PCDHGA6: variants seen among roughly 807,000 people sequenced by gnomAD.
PCDHGA6 encodes the protein protocadherin gamma-A6.
Under a neutral mutation model 60.6 loss-of-function variants are expected in PCDHGA6, and 41 were observed. That is an observed-to-expected ratio of 0.68 (90% CI 0.53 to 0.88). The LOEUF (loss-of-function observed/expected upper bound fraction) is 0.88, where lower values mean the gene tolerates loss of function less well. Ranked by LOEUF, PCDHGA6 falls within the 40% of genes least tolerant of loss-of-function variation. The probability of loss-of-function intolerance (pLI) is 0.00; values close to 1 mark genes in which losing one functional copy is unlikely to be tolerated. For missense variants in PCDHGA6, 1,312 were observed against 1,203.0 expected (o/e 1.09, Z -1.34); for synonymous variants, 594 against 524.4 (o/e 1.13, Z -1.81).
rs1271916110 is a variant in PCDHGA6, at chr5:141,394,787, C to T, written c.2424+18280C>T. 11 of 1,613,632 alleles carry T rather than the reference C, an allele frequency of 6.8e-6. 1 individual carries two copies. The highest frequency in any genetic ancestry group is 9.3e-6 in the Non-Finnish European group (11 of 1,180,016). On this transcript the variant is annotated intron_variant, in intron 1 of 3. Transcript: ENST00000517434. ...GCCAGCCCCCTCTCTCCGCCACTGT[C>T]ACGCTCACCGTAGCCGTGGCTGACA... is the stretch of plus-strand genomic sequence containing the variant.
At chr5:141,402,335 G>A (rs1157845729) in intron 1 of PCDHGA6, among the ~76,000 whole-genome samples, 1 of 151,508 alleles carries the variant, frequency 6.6e-6, no homozygotes, top group Non-Finnish European at 1.5e-5. Context: ...CAAATATATA[G>A]GTATAAAAAT....
chr5:141,418,666 G>C, intron 1 of PCDHGA6: 1 of 1,614,038 alleles, frequency 6.2e-7, no homozygotes, highest in Non-Finnish European at 8.5e-7. Context: ...CCACTGACCA[G>C]GACGAGGGCA....
At chr5:141,430,331 T>C (rs1266364984) in intron 1 of PCDHGA6, among the ~76,000 whole-genome samples, 2 of 150,984 alleles carry the variant, frequency 1.3e-5, no homozygotes, top group Non-Finnish European at 2.9e-5. Context: ...TCATTGTTTA[T>C]AGAAACTTCC....
intron 1 of PCDHGA6, among the ~76,000 whole-genome samples, chr5:141,449,199 A>T (rs927587807): frequency 3.3e-5 from 5 of 152,190 alleles, no homozygotes; most frequent in Admixed American, 2.6e-4. Flanking sequence ...AGAAGTGTTA[A>T]TTCTAACTTT....
chr5:141,499,689 C>CTTTTT (rs545067566), intron 2 of PCDHGA6, among the ~76,000 whole-genome samples: 5 of 119,848 alleles, frequency 4.2e-5, no homozygotes, highest in Admixed American at 8.7e-5. Context: ...TAACAGATGA[C>CTTTTT]TTTTTTTTTT....
rs763097687 is a variant in PCDHGA6 at position 141,489,361 on chromosome 5, C to G, written c.2425-5446C>G. On this transcript the variant is annotated intron_variant, in intron 1 of 3. Transcript: ENST00000517434. This position sits in a 1 kb window ranked among gnomAD's most constrained non-coding sequence, Gnocchi z 4.5. Reference sequence around the variant, plus strand: ...TTACTCAGTGGTGGAGGAGTCTGAGCCGGGGACGCTGGTGGGGAATGTTGC... The same window carrying G: ...TTACTCAGTGGTGGAGGAGTCTGAGGCGGGGACGCTGGTGGGGAATGTTGC... 6.2e-7 allele frequency: 1 copy of G among 1,612,762 alleles called. No homozygotes were observed. Among genetic ancestry groups the G allele is most frequent in the African/African-American group, 1.3e-5 (1 of 74,874 alleles).
intron 1 of PCDHGA6, chr5:141,395,122 T>C (rs72790033): frequency 0.028 from 44,899 of 1,614,158 alleles, 731 homozygotes; most frequent in Non-Finnish European, 0.032. Flanking sequence ...CACCTGATCT[T>C]TCCCCAGCCC....
In PCDHGA6 at chr5:141,490,499, A is replaced by G. The variant is rs1269710790; in HGVS notation, c.2425-4308A>G. On this transcript the variant is annotated intron_variant, in intron 1 of 3. Coordinates refer to ENST00000517434, the MANE Select transcript of PCDHGA6 (RefSeq NM_018919.3). The surrounding 1 kb of genome is among the most constrained non-coding windows in gnomAD (Gnocchi z 5.4). ...TTGGACCGGGAGGCCACATCCCACT[A>G]TATCATCGAGCTGCTGGCCAGCGAT... 1.2e-6 allele frequency: 2 copies of G among 1,614,148 alleles called. No homozygotes were observed. Among genetic ancestry groups the G allele is most frequent in the Non-Finnish European group, 8.5e-7 (1 of 1,180,020 alleles).
intron 1 of PCDHGA6, among the ~76,000 whole-genome samples, chr5:141,401,931 A>C: frequency 6.6e-6 from 1 of 152,352 alleles, no homozygotes; most frequent in Middle Eastern, 3.4e-3. Context: ...GATGCTTAGA[A>C]TAATGTTTAA....
chr5:141,489,077 C>G lies in PCDHGA6; in HGVS notation c.2425-5730C>G, dbSNP rs957205894. On this transcript the variant is annotated intron_variant, in intron 1 of 3. Coordinates refer to ENST00000517434, the MANE Select transcript of PCDHGA6 (RefSeq NM_018919.3). The surrounding 1 kb of genome is among the most constrained non-coding windows in gnomAD (Gnocchi z 4.5). The stretch of plus-strand genomic sequence containing the variant: ...AGCTCCCCTCCCCCCTGCCCACCCC[C>G]GCCACTCGGTGACTAAGAACTGCTG... 7 of 325,684 alleles carry G rather than the reference C, an allele frequency of 2.1e-5. No homozygotes were observed. Among genetic ancestry groups the G allele is most frequent in the Non-Finnish European group, 3.9e-5 (7 of 181,468 alleles). The allele number at this position is 325,684 out of a possible 1,614,324, so 20.2% of individuals were successfully genotyped here.
At position 141,408,464 on chromosome 5, in the gene PCDHGA6, A is replaced by G. The variant is rs764186219; in HGVS notation, c.2424+31957A>G. ...GGAGAGCGGGGACTTACTTGTGAAG[A>G]ACCGAATAGACCGTGAGCAAATATG... On this transcript the variant is annotated intron_variant, in intron 1 of 3. Coordinates refer to ENST00000517434, the MANE Select transcript of PCDHGA6 (RefSeq NM_018919.3). The G allele has an allele frequency of 3.8e-5, 61 of 1,613,880 alleles. No homozygotes were observed. Among genetic ancestry groups the G allele is most frequent in the South Asian group, 1.4e-4 (13 of 91,024 alleles).
intron 1 of PCDHGA6, chr5:141,388,960 A>C: frequency 1.2e-6 from 2 of 1,614,038 alleles, no homozygotes; most frequent in Non-Finnish European, 1.7e-6. Context: ...GAGGACGCCG[A>C]GCTGGGAACA....
intron 1 of PCDHGA6, chr5:141,385,141 G>T (rs1183220869): frequency 1.9e-6 from 3 of 1,614,202 alleles, no homozygotes; most frequent in Non-Finnish European, 2.5e-6. Context: ...CGGGGTGCAG[G>T]CTTTCCTGCA....
intron 2 of PCDHGA6, among the ~76,000 whole-genome samples, chr5:141,502,408 G>A (rs1197275813): frequency 6.6e-6 from 1 of 151,782 alleles, no homozygotes; most frequent in Non-Finnish European, 1.5e-5. Context: ...CCCGAACCTG[G>A]ATTTGCTGGC....
chr5:141,447,135 GT>G (rs905717632), intron 1 of PCDHGA6, among the ~76,000 whole-genome samples: 1 of 151,698 alleles, frequency 6.6e-6, no homozygotes, highest in South Asian at 2.1e-4. Flanking sequence ...TTGTTTGTTT[GT>G]TTTTTGTTTT....
At chr5:141,406,702 A>G (rs1430662433) in intron 1 of PCDHGA6, among the ~76,000 whole-genome samples, 1 of 152,242 alleles carries the variant, frequency 6.6e-6, no homozygotes. Context: ...TCTATAGTAT[A>G]TGCTTGCTCA....
intron 1 of PCDHGA6, among the ~76,000 whole-genome samples, chr5:141,437,721 A>G (rs2097904045): frequency 6.6e-6 from 1 of 151,664 alleles, no homozygotes; most frequent in African/African-American, 2.4e-5. Flanking sequence ...TTACCCTCTA[A>G]TGTTACACTT....
At chr5:141,410,561 G>A (rs201832666) in intron 1 of PCDHGA6, 1 of 1,612,698 alleles carries the variant, frequency 6.2e-7, no homozygotes, top group Non-Finnish European at 8.5e-7. Flanking sequence ...TTCTCCTGGA[G>A]CCTTAATTCC....
intron 1 of PCDHGA6, chr5:141,409,246 C>A (rs771759898): frequency 1.2e-6 from 2 of 1,614,032 alleles, no homozygotes; most frequent in Admixed American, 3.3e-5. Context: ...CAGAAATAAT[C>A]ATCACTTCTC....
Sources: gnomAD v4.1 joint callset for allele counts (sites outside exome capture counted in the v4.1 genomes callset) on GRCh38, gnomAD v4.1.1 for gene constraint, Gnocchi (gnomAD v3.1) non-coding constraint, MANE v1.5 for transcripts, NCBI Gene and HGNC (gene_info 2026-07-23, HGNC 2026-07-21) for gene names.